The following PPP3CA variants were observed in gnomAD, a reference collection of about 807,000 sequenced individuals.
PPP3CA encodes CAM-PRP catalytic subunit.
Under a neutral mutation model 66.5 loss-of-function variants are expected in PPP3CA, and 14 were observed. The observed-to-expected ratio is 0.21, with a 90% CI of 0.14 to 0.33. PPP3CA has a LOEUF of 0.33. PPP3CA is among the 10% of genes least tolerant of loss of function. PPP3CA has a pLI of 1.00. For missense variants in PPP3CA, 317 were observed against 639.5 expected, an observed-to-expected ratio of 0.50 and a Z score of 5.44; for synonymous variants, 232 against 226.2, an observed-to-expected ratio of 1.03 and a Z score of -0.23.
intron 2 of PPP3CA, among the ~76,000 whole-genome samples, chr4:101,154,808 ATTTTTTTTT>A (rs779695561): frequency 3.3e-4 from 30 of 90,616 alleles, no homozygotes; most frequent in African/African-American, 4.1e-4. Context: ...CACTCCCAGA[ATTTTTTTTT>A]TTTTTTTTTT....
intron 12 of PPP3CA, among the ~76,000 whole-genome samples, chr4:101,031,143 G>T (rs911532827): frequency 2.0e-5 from 3 of 152,068 alleles, no homozygotes; most frequent in Admixed American, 2.0e-4. Context: ...ATGCAGCCAT[G>T]ATGTGATCAT....
intron 1 of PPP3CA, among the ~76,000 whole-genome samples, chr4:101,335,075 A>G (rs1729580703): frequency 6.6e-6 from 1 of 152,092 alleles, no homozygotes; most frequent in Admixed American, 6.5e-5. Context: ...ACTCTCGTTT[A>G]TACGTAGATA....
chr4:101,173,296 T>G (rs4699110), intron 2 of PPP3CA, among the ~76,000 whole-genome samples: 11,507 of 152,160 alleles, frequency 0.076, 606 homozygotes, highest in East Asian at 0.19. Flanking sequence ...GGGTGTTTAT[T>G]TGGCCTGTGG....
intron 2 of PPP3CA, among the ~76,000 whole-genome samples, chr4:101,114,690 T>G (rs888444013): frequency 4.6e-5 from 7 of 152,110 alleles, no homozygotes; most frequent in African/African-American, 1.7e-4. Context: ...TTTGCATAAC[T>G]GCCTTTTAAT....
intron 2 of PPP3CA, among the ~76,000 whole-genome samples, chr4:101,175,232 A>G (rs1006592385): frequency 2.6e-5 from 4 of 152,192 alleles, no homozygotes; most frequent in Admixed American, 2.6e-4. Flanking sequence ...AAAACGTTTT[A>G]CTTCTGAGAA....
chr4:101,063,242 A>G lies in PPP3CA; in HGVS notation c.1071T>C (p.Val357=), dbSNP rs1348207191. ...GATTCCACAACATACCTTTTTCCCC[A>G]ACAAATGGAAGGGACCAAGTAAAAA... ...MDVFTWSLPF[V]GEKVTEMLVN... The change falls in exon 9 of 14, where the codon GTT becomes GTC. Residue 357 remains valine, a synonymous_variant. Coordinates refer to ENST00000394854, the MANE Select transcript of PPP3CA (RefSeq NM_000944.5). The G allele has an allele frequency of 2.5e-6, 4 of 1,610,666 alleles. No individual in the cohort carries two copies. In the African/African-American group the frequency reaches 5.4e-5, roughly 22 times the overall value.
In PPP3CA at chr4:101,213,636, T is replaced by C. The variant is rs572837214; in HGVS notation, c.59-17520A>G. Among the ~76,000 whole-genome samples, 6 of 152,256 alleles carry C rather than the reference T, an allele frequency of 3.9e-5. No individual in the cohort carries two copies. The South Asian group carries it at 1.2e-3, about 32-fold the overall frequency. The stretch of plus-strand genomic sequence containing the variant: ...TTACATTTTTTAACACATTTTCATA[T>C]GTATGATTTCATTCAGTCTTCAGAA... On this transcript the variant is annotated intron_variant, in intron 1 of 13. Coordinates refer to ENST00000394854, the MANE Select transcript of PPP3CA (RefSeq NM_000944.5).
intron 1 of PPP3CA, among the ~76,000 whole-genome samples, chr4:101,312,150 C>T (rs1728742049): frequency 6.6e-6 from 1 of 152,004 alleles, no homozygotes; most frequent in Non-Finnish European, 1.5e-5. Context: ...ATTACATATA[C>T]TTTTGATTAA....
chr4:101,099,196 G>T (rs557284552), intron 4 of PPP3CA, among the ~76,000 whole-genome samples: 21 of 152,220 alleles, frequency 1.4e-4, no homozygotes, highest in East Asian at 1.3e-3. Context: ...TCTAAAGAAT[G>T]ACATCATCTT....
intron 2 of PPP3CA, among the ~76,000 whole-genome samples, chr4:101,178,463 C>A (rs532576909): frequency 1.3e-5 from 2 of 152,054 alleles, no homozygotes; most frequent in African/African-American, 4.8e-5. Context: ...CATGGTCATA[C>A]TGCCCCTGAA....
At chr4:101,225,072 C>G (rs1164980238) in intron 1 of PPP3CA, among the ~76,000 whole-genome samples, 1 of 151,692 alleles carries the variant, frequency 6.6e-6, no homozygotes, top group Non-Finnish European at 1.5e-5. Flanking sequence ...CTCAGCTGCT[C>G]CCTCACCCCC....
intron 1 of PPP3CA, among the ~76,000 whole-genome samples, chr4:101,240,269 G>A (rs889229674): frequency 6.6e-6 from 1 of 152,044 alleles, no homozygotes; most frequent in African/African-American, 2.4e-5. Context: ...AGTTCCTCCA[G>A]AGGACATCAT....
At chr4:101,321,626 T>C (rs1288019781) in intron 1 of PPP3CA, among the ~76,000 whole-genome samples, 1 of 152,218 alleles carries the variant, frequency 6.6e-6, no homozygotes, top group Non-Finnish European at 1.5e-5. Flanking sequence ...CACTTGTTGT[T>C]GTCATCTGGC....
chr4:101,285,223 T>C (rs903572183), intron 1 of PPP3CA, among the ~76,000 whole-genome samples: 2 of 152,190 alleles, frequency 1.3e-5, no homozygotes, highest in Non-Finnish European at 2.9e-5. Context: ...GCAATATTAA[T>C]TTTGACATAA....
intron 2 of PPP3CA, among the ~76,000 whole-genome samples, chr4:101,193,891 AC>A (rs1724703844): frequency 6.6e-6 from 1 of 152,248 alleles, no homozygotes. Context: ...AAATGTTAGT[AC>A]AACTCTTCTC....
chr4:101,040,333 A>G (rs992457796), intron 11 of PPP3CA, 149 bp downstream of exon 11: 2 of 550,064 alleles, frequency 3.6e-6, no homozygotes, highest in African/African-American at 1.9e-5. Context: ...ACAATTTCTC[A>G]TTTAATTTTC....
rs992973801 is a variant in PPP3CA at position 101,344,060 on chromosome 4, T to C, written c.58+2679A>G. On this transcript the variant is annotated intron_variant, in intron 1 of 13. Transcript: ENST00000394854. ...TACTTCGTAAAAAAGAGAAAACTTA[T>C]GGAGCACAAATACTTCCTCAAAGAT... Among the ~76,000 whole-genome samples the C allele has an allele frequency of 2.6e-5, 4 of 152,276 alleles. No homozygotes were observed. In the East Asian group the frequency reaches 5.8e-4, roughly 22 times the overall value.
chr4:101,155,066 C>T (rs772658813), intron 2 of PPP3CA, among the ~76,000 whole-genome samples: 11 of 152,196 alleles, frequency 7.2e-5, no homozygotes, highest in Middle Eastern at 6.8e-3. Context: ...CTGCCCGCCT[C>T]GGCCTCCCAA....
chr4:101,199,400 G>A (rs935549069), intron 1 of PPP3CA, among the ~76,000 whole-genome samples: 2 of 152,158 alleles, frequency 1.3e-5, no homozygotes, highest in African/African-American at 2.4e-5. Context: ...GAGAAATTAC[G>A]TTTGTGCACA....
Sources: gnomAD v4.1 joint callset for allele counts (sites outside exome capture counted in the v4.1 genomes callset) on GRCh38, gnomAD v4.1.1 for gene constraint, MANE v1.5 for transcripts, NCBI Gene and HGNC (gene_info 2026-07-23, HGNC 2026-07-21) for gene names.